Variants in ZNF182 observed in about 807,000 individuals in gnomAD.
ZNF182 encodes the protein zinc finger protein 182, also known as zinc finger protein 21 (KOX 14).
In ZNF182, 10 loss-of-function variants were observed where a neutral mutation model predicts 28.1. The observed-to-expected ratio is 0.36, with a 90% CI of 0.22 to 0.60. The LOEUF (loss-of-function observed/expected upper bound fraction) is 0.60, where lower values mean the gene tolerates loss of function less well. Ranked by LOEUF, ZNF182 falls within the 20% of genes least tolerant of loss-of-function variation. The pLI is 0.75. For synonymous variants in ZNF182, 156 were observed against 158.7 expected (o/e 0.98, Z 0.13); for missense variants, 352 against 453.2 (o/e 0.78, Z 2.03).
chrX:47,988,636 A>T, intron 3 of ZNF182: 1 of 363,262 alleles, frequency 2.8e-6, no homozygotes, highest in Non-Finnish European at 4.9e-6. Context: ...CAAATAAACC[A>T]CTTTTCTTTA....
chrX:47,977,846 G>C (rs202042983), intron 5 of ZNF182, 49 bp from the exon 6 acceptor site: 1 of 1,026,809 alleles, frequency 9.7e-7, no homozygotes, highest in East Asian at 3.2e-5. Flanking sequence ...ATTATGGAGC[G>C]GACCTTCTTT....
rs782414382 is a variant in ZNF182, at chrX:47,975,900, C to G, written c.*267G>C. The G allele has an allele frequency of 3.6e-6, 1 of 274,419 alleles. No individual in the cohort carries two copies. Among genetic ancestry groups the G allele is most frequent in the Non-Finnish European group, 6.4e-6 (1 of 156,495 alleles). 22.6% of individuals were successfully genotyped at this position (274,419 alleles called of 1,213,427 possible). Reference sequence around the variant, plus strand: ...GCACCTGCAGCCTTGAGCACTCTCACTCTGAAATCTCCTGCACCAGTGCTT... The same window carrying G: ...GCACCTGCAGCCTTGAGCACTCTCAGTCTGAAATCTCCTGCACCAGTGCTT... On this transcript the variant is annotated 3_prime_UTR_variant, in exon 6 of 6. Coordinates refer to ENST00000376943, the MANE Select transcript of ZNF182 (RefSeq NM_001007088.2).
intron 3 of ZNF182, among the ~76,000 whole-genome samples, chrX:47,999,808 AC>A (rs2058972535): frequency 8.9e-6 from 1 of 112,497 alleles, no homozygotes; most frequent in Non-Finnish European, 1.9e-5. Flanking sequence ...ATCCCAGTAT[AC>A]CCCATAAATA....
At chrX:47,995,389 A>C (rs1252149716) in intron 3 of ZNF182, among the ~76,000 whole-genome samples, 1 of 112,163 alleles carries the variant, frequency 8.9e-6, no homozygotes, top group African/African-American at 3.2e-5. Context: ...AATAACTGAA[A>C]TAAATCCCCA....
chrX:47,977,161 T>C lies in ZNF182; in HGVS notation c.869A>G (p.Tyr290Cys). ...FREKSTVIIH[Y>C]RTHTGEKPYE... The stretch of plus-strand genomic sequence containing the variant: ...AGGTTTTTCTCCTGTGTGAGTCCTG[T>C]AATGTATGATGACAGTTGACTTTTC... The change falls in exon 6 of 6, where the codon TAC (tyrosine) becomes TGC (cysteine). Residue 290 changes from tyrosine to cysteine, a missense_variant. Tyr to Cys is a radical substitution (Grantham distance 194, BLOSUM62 -2). Transcript: ENST00000376943. 8.3e-7 allele frequency: 1 copy of C among 1,208,731 alleles called. No homozygotes were observed. Among genetic ancestry groups the C allele is most frequent in the Non-Finnish European group, 1.1e-6 (1 of 894,411 alleles).
Position 47,977,545 on chromosome X carries a change from T to C in ZNF182, c.485A>G (p.Asn162Ser), listed in dbSNP as rs373869102. The C allele has an allele frequency of 4.6e-5, 56 of 1,206,959 alleles. No individual in the cohort carries two copies. Among genetic ancestry groups the C allele is most frequent in the Middle Eastern group, 4.6e-4 (2 of 4,346 alleles). ...LDLFSRSSAENKYDNGCAKLF... is the reference protein window; with the variant it reads ...LDLFSRSSAESKYDNGCAKLF... ...TTTTGCACATCCATTATCATATTTATTTTCTGCAGAACTTCTACTAAATAA... is the reference window on the plus strand; with the variant it reads ...TTTTGCACATCCATTATCATATTTACTTTCTGCAGAACTTCTACTAAATAA... The change falls in exon 6 of 6, where the codon AAT becomes AGT. Residue 162 changes from asparagine to serine, a missense_variant. By Grantham distance (46) the Asn-to-Ser change is conservative. Transcript: ENST00000376943.
At chrX:48,003,025 A>G (rs1458804296) in intron 2 of ZNF182, among the ~76,000 whole-genome samples, 1 of 112,109 alleles carries the variant, frequency 8.9e-6, no homozygotes, top group Non-Finnish European at 1.9e-5. Flanking sequence ...ATTAATAATA[A>G]CAAAATATAA....
At chrX:47,999,769 C>A (rs2058972376) in intron 3 of ZNF182, among the ~76,000 whole-genome samples, 1 of 112,525 alleles carries the variant, frequency 8.9e-6, no homozygotes, top group African/African-American at 3.2e-5. Context: ...TTGATTGGAT[C>A]ATTACACATT....
chrX:47,991,657 T>C (rs903024121), intron 3 of ZNF182, among the ~76,000 whole-genome samples: 3 of 111,351 alleles, frequency 2.7e-5, no homozygotes, highest in African/African-American at 9.8e-5. Context: ...TAAGTACAAC[T>C]ATAAACCCTG....
chrX:47,981,899 C>CAAA (rs781925569), intron 5 of ZNF182, among the ~76,000 whole-genome samples: 3 of 91,510 alleles, frequency 3.3e-5, no homozygotes, highest in African/African-American at 4.0e-5. Flanking sequence ...GACTCTGTCT[C>CAAA]AAAAAAAAAA....
chrX:47,982,396 GT>G lies in ZNF182; in HGVS notation c.232+552del, dbSNP rs1230361081. Among the ~76,000 whole-genome samples the G allele has an allele frequency of 4.5e-5, 5 of 112,234 alleles. No homozygotes were observed. In the East Asian group the frequency reaches 1.4e-3, roughly 31 times the overall value. ...GTTCTAGAATTAGGTAGTGGTGATG[GT>G]TGTACAACTCTGTGAATATACTAAA... On this transcript the variant is annotated intron_variant, in intron 5 of 5. Transcript: ENST00000376943.
At chrX:47,980,731 G>A (rs181958732) in intron 5 of ZNF182, among the ~76,000 whole-genome samples, 1 of 111,901 alleles carries the variant, frequency 8.9e-6, no homozygotes, top group East Asian at 2.8e-4. Flanking sequence ...AGGAAGGAAC[G>A]AAGGGAATGG....
At chrX:47,986,141 G>A (rs1291183705) in intron 3 of ZNF182, among the ~76,000 whole-genome samples, 1 of 112,260 alleles carries the variant, frequency 8.9e-6, no homozygotes, top group East Asian at 2.8e-4. Context: ...GAAGGTTTGG[G>A]TCACTCTACT....
chrX:47,997,146 G>A (rs1000683804), intron 3 of ZNF182, among the ~76,000 whole-genome samples: 1 of 108,092 alleles, frequency 9.3e-6, no homozygotes, highest in African/African-American at 3.4e-5. Context: ...GGGAGACATG[G>A]CAAAACCCCA....
At position 48,003,938 on chromosome X, in the gene ZNF182, T is replaced by C. The variant is rs1335260407; in HGVS notation, c.-269A>G. 9.0e-6 allele frequency: 1 copy of C among 111,693 alleles called. No homozygotes were observed. Among genetic ancestry groups the C allele is most frequent in the Non-Finnish European group, 1.9e-5 (1 of 53,121 alleles). 9.2% of individuals were successfully genotyped at this position (111,693 alleles called of 1,213,427 possible). ...TCTCGATAACAGATTTTCTGCTCGC[T>C]GCTCAGGAGACCGTTACAAAGCCTG... On this transcript the variant is annotated 5_prime_UTR_variant, in exon 1 of 6. Transcript: ENST00000376943.
chrX:47,996,218 A>C (rs2058958076), intron 3 of ZNF182, among the ~76,000 whole-genome samples: 1 of 111,882 alleles, frequency 8.9e-6, no homozygotes, highest in South Asian at 3.7e-4. Flanking sequence ...CAACAAAAAC[A>C]TAAAGGGGAG....
At chrX:47,998,085 T>C (rs188763714) in intron 3 of ZNF182, among the ~76,000 whole-genome samples, 2,369 of 101,669 alleles carry the variant, frequency 0.023, 25 homozygotes, top group Middle Eastern at 0.072. Context: ...TCTTTTCTCT[T>C]TTTTTTTTTT....
chrX:47,994,170 A>C (rs147996075), intron 3 of ZNF182, among the ~76,000 whole-genome samples: 1,463 of 112,362 alleles, frequency 0.013, 25 homozygotes, highest in African/African-American at 0.045. Flanking sequence ...AACAAAAAAT[A>C]AACAACAACA....
chrX:48,002,470 G>C, intron 3 of ZNF182, 125 bp downstream of exon 3: 1 of 999,111 alleles, frequency 1.0e-6, no homozygotes, highest in East Asian at 3.3e-5. Flanking sequence ...TTGATCTGTT[G>C]TCTCTTATTT....
Sources: gnomAD v4.1 joint callset for allele counts (sites outside exome capture counted in the v4.1 genomes callset) on GRCh38, gnomAD v4.1.1 for gene constraint, MANE v1.5 for transcripts, NCBI Gene and HGNC (gene_info 2026-07-23, HGNC 2026-07-21) for gene names.